PMEPA1: variants seen among roughly 807,000 people sequenced by gnomAD.
The protein encoded by PMEPA1 is protein TMEPAI.
PMEPA1 carries 11 observed loss-of-function variants against 23.0 expected under a neutral mutation model. The ratio of observed to expected loss-of-function variants is 0.48; its 90% CI spans 0.30 to 0.79. PMEPA1 has a LOEUF of 0.79. Ranked by LOEUF, PMEPA1 falls within the 30% of genes least tolerant of loss-of-function variation. The pLI is 0.06. For missense variants in PMEPA1, 377 were observed against 390.9 expected (o/e 0.96, Z 0.30); for synonymous variants, 204 against 166.4 (o/e 1.23, Z -1.74).
chr20:57,652,479 C>A lies in PMEPA1; in HGVS notation c.438G>T (p.Leu146=). The change falls in exon 4 of 4, where the codon CTG becomes CTT. Residue 146 remains leucine (L), a synonymous_variant. Transcript: ENST00000341744. This position sits in a 1 kb window ranked among gnomAD's most constrained non-coding sequence, Gnocchi z 6.1. The part of the protein sequence containing the change: ...TYPYLQHEID[L]PPTISLSDGE... ...CGTCTGACAGCGAGATGGTGGGTGG[C>A]AGGTCGATCTCGTGCTGCAGGTACG... 1 of 1,608,644 alleles carries A rather than the reference C, an allele frequency of 6.2e-7. No homozygotes were observed.
At chr20:57,686,949 T>A (rs1453140779) in intron 1 of PMEPA1, among the ~76,000 whole-genome samples, 1 of 152,264 alleles carries the variant, frequency 6.6e-6, no homozygotes, top group Non-Finnish European at 1.5e-5. Context: ...TACAGCAGCC[T>A]CCCAAAAGGG....
intron 1 of PMEPA1, among the ~76,000 whole-genome samples, chr20:57,670,337 T>C (rs556476979): frequency 6.6e-6 from 1 of 152,264 alleles, no homozygotes; most frequent in East Asian, 1.9e-4. Flanking sequence ...GCACAGCTAA[T>C]GGGCTGGCAG....
chr20:57,649,728 C>A lies in PMEPA1; in HGVS notation c.*2325G>T, dbSNP rs2071196986. ...AGGAGTAACCTCACCAAGCTAGGCA[C>A]CTCCCTGGTAGAGACAGGGTGAGGA... On this transcript the variant is annotated 3_prime_UTR_variant, in exon 4 of 4. Coordinates refer to ENST00000341744, the MANE Select transcript of PMEPA1 (RefSeq NM_020182.5). 6.6e-6 allele frequency: 1 copy of A among 152,480 alleles called. No individual in the cohort carries two copies. The highest frequency in any genetic ancestry group is 2.1e-4 in the South Asian group (1 of 4,826). 9.4% of individuals were successfully genotyped at this position (152,480 alleles called of 1,614,324 possible).
chr20:57,671,704 G>A (rs1316190953), intron 1 of PMEPA1, among the ~76,000 whole-genome samples: 1 of 152,124 alleles, frequency 6.6e-6, no homozygotes, highest in Non-Finnish European at 1.5e-5. Flanking sequence ...ATAAATCTAC[G>A]CTGAGCTCTG....
At chr20:57,678,707 C>T (rs917250211) in intron 1 of PMEPA1, among the ~76,000 whole-genome samples, 18 of 152,162 alleles carry the variant, frequency 1.2e-4, no homozygotes, top group Non-Finnish European at 2.1e-4. Context: ...AATTTAGAAA[C>T]GAGGAAAGGA....
chr20:57,701,735 G>A (rs2072014184), intron 1 of PMEPA1, among the ~76,000 whole-genome samples: 1 of 152,140 alleles, frequency 6.6e-6, no homozygotes, highest in South Asian at 2.1e-4. Flanking sequence ...GGAGACTCGG[G>A]AGGATACCAC....
chr20:57,662,029 C>A (rs182376012), intron 1 of PMEPA1, among the ~76,000 whole-genome samples: 34 of 151,672 alleles, frequency 2.2e-4, no homozygotes, highest in African/African-American at 6.6e-4. Context: ...TGCTACTGAG[C>A]CCGTGTTTCT....
At chr20:57,676,950 A>C (rs925058566) in intron 1 of PMEPA1, among the ~76,000 whole-genome samples, 1 of 152,092 alleles carries the variant, frequency 6.6e-6, no homozygotes, top group Non-Finnish European at 1.5e-5. Context: ...TTCCCACACT[A>C]TGCTCAGGTT....
intron 2 of PMEPA1, 141 bp downstream of exon 2, chr20:57,659,402 G>T: frequency 2.3e-6 from 2 of 854,492 alleles, no homozygotes; most frequent in South Asian, 1.8e-5. Flanking sequence ...GGAAGCTGCT[G>T]TCAGGTGGGC....
rs907996254 is a variant in PMEPA1 at position 57,682,755 on chromosome 20, A to G, written c.110-23058T>C. ...TCCTGGAGGAAGGAAAGTTCAATGG[A>G]TGAGCTATAAATATTTCTGCTAGAT... On this transcript the variant is annotated intron_variant, in intron 1 of 3. Coordinates refer to ENST00000341744, the MANE Select transcript of PMEPA1 (RefSeq NM_020182.5). This position sits in a 1 kb window ranked among gnomAD's most constrained non-coding sequence, Gnocchi z 4.4. 6.6e-6 allele frequency among the ~76,000 whole-genome samples: 1 copy of G among 152,254 alleles called. No homozygotes were observed.
intron 1 of PMEPA1, among the ~76,000 whole-genome samples, chr20:57,667,492 G>A (rs1413239180): frequency 6.6e-6 from 1 of 152,104 alleles, no homozygotes; most frequent in Non-Finnish European, 1.5e-5. Flanking sequence ...GGGGAGCTGG[G>A]AGCAGAGTCC....
intron 1 of PMEPA1, among the ~76,000 whole-genome samples, chr20:57,677,021 C>T (rs1438267330): frequency 2.0e-5 from 3 of 152,262 alleles, no homozygotes; most frequent in African/African-American, 7.2e-5. Context: ...CCTCGCTCAC[C>T]ATGCGCCAGC....
At chr20:57,711,104 G>T (rs1334006995), upstream of PMEPA1, 1 of 152,160 alleles carries the variant, frequency 6.6e-6, no homozygotes, top group East Asian at 1.9e-4. Flanking sequence ...TGCCAACCCA[G>T]GACCCTGGGG....
At chr20:57,690,117 G>C (rs1027728273) in intron 1 of PMEPA1, among the ~76,000 whole-genome samples, 7 of 152,276 alleles carry the variant, frequency 4.6e-5, no homozygotes, top group Non-Finnish European at 1.0e-4. Flanking sequence ...GAGCCAGCCA[G>C]ATCTAACCTT....
intron 1 of PMEPA1, among the ~76,000 whole-genome samples, chr20:57,662,378 G>C (rs1333253678): frequency 1.3e-5 from 2 of 152,076 alleles, no homozygotes; most frequent in East Asian, 3.9e-4. Context: ...AAAAGTGATT[G>C]CCTCGAGAAG....
intron 1 of PMEPA1, among the ~76,000 whole-genome samples, chr20:57,701,323 C>T (rs944374196): frequency 3.9e-5 from 6 of 152,182 alleles, no homozygotes; most frequent in East Asian, 1.9e-4. Flanking sequence ...CACCTTCCTC[C>T]GTGAGGACAA....
intron 1 of PMEPA1, among the ~76,000 whole-genome samples, chr20:57,685,318 C>A (rs157101): frequency 0.24 from 36,374 of 151,932 alleles, 5,295 homozygotes; most frequent in Non-Finnish European, 0.31. Flanking sequence ...GAGTCTGGGC[C>A]GAAAACAGTT....
intron 1 of PMEPA1, chr20:57,690,688 G>T: frequency 1.4e-6 from 1 of 724,302 alleles, no homozygotes; most frequent in Non-Finnish European, 1.9e-6. Flanking sequence ...ACTCGGTGCA[G>T]ATGAAGATCT....
chr20:57,653,025 G>C lies in PMEPA1; in HGVS notation c.318+8C>G. On this transcript the variant is annotated splice_region_variant and intron_variant, in intron 3 of 3. Coordinates refer to ENST00000341744, the MANE Select transcript of PMEPA1 (RefSeq NM_020182.5). ...GGGTGTTGGAGGGGAGGCCGAGGGA[G>C]GTCTCACCTCTGGGATTCCGTTGCC... The C allele has an allele frequency of 1.9e-6, 3 of 1,592,968 alleles. No individual in the cohort carries two copies. The highest frequency in any genetic ancestry group is 2.6e-6 in the Non-Finnish European group (3 of 1,169,248).
Sources: gnomAD v4.1 joint callset for allele counts (sites outside exome capture counted in the v4.1 genomes callset) on GRCh38, gnomAD v4.1.1 for gene constraint, Gnocchi (gnomAD v3.1) non-coding constraint, MANE v1.5 for transcripts, NCBI Gene and HGNC (gene_info 2026-07-23, HGNC 2026-07-21) for gene names.